Variants in DGKI observed in about 807,000 individuals in gnomAD.
DGKI encodes diacylglycerol kinase iota, also known as DAG kinase iota.
In DGKI, 55 loss-of-function variants were observed where a neutral mutation model predicts 147.5. The ratio of observed to expected loss-of-function variants is 0.37; its 90% confidence interval spans 0.30 to 0.47. The LOEUF is 0.47. DGKI is among the 20% of genes least tolerant of loss of function. DGKI has a pLI of 1.00. For missense variants in DGKI, 1,007 were observed against 1,323.8 expected (o/e 0.76, Z 3.71); for synonymous variants, 469 against 477.1 (o/e 0.98, Z 0.22).
chr7:137,732,190 A>G (rs530782286), intron 1 of DGKI, among the ~76,000 whole-genome samples: 51 of 152,182 alleles, frequency 3.4e-4, no homozygotes, highest in African/African-American at 1.2e-3. Context: ...TTTACAATAT[A>G]TATAGTAAAT....
chr7:137,474,645 T>C (rs943889235), intron 23 of DGKI, among the ~76,000 whole-genome samples: 4 of 152,160 alleles, frequency 2.6e-5, no homozygotes, highest in African/African-American at 9.7e-5. Flanking sequence ...ATCATCATTA[T>C]CACAGACAAG....
intron 8 of DGKI, among the ~76,000 whole-genome samples, chr7:137,618,252 A>G: frequency 6.9e-6 from 1 of 145,480 alleles, no homozygotes; most frequent in African/African-American, 2.5e-5. Context: ...ATTCCTCCAC[A>G]GTCAGGCCTG....
At chr7:137,814,209 C>T (rs1308862325) in intron 1 of DGKI, among the ~76,000 whole-genome samples, 2 of 152,098 alleles carry the variant, frequency 1.3e-5, no homozygotes, top group Non-Finnish European at 2.9e-5. Flanking sequence ...GGAGCCTTCA[C>T]GAAGCCTTTT....
At chr7:137,761,369 T>C (rs773887762) in intron 1 of DGKI, among the ~76,000 whole-genome samples, 17 of 152,242 alleles carry the variant, frequency 1.1e-4, no homozygotes, top group Admixed American at 5.9e-4. Flanking sequence ...TATTTACCCT[T>C]TCTGCTGCCT....
intron 28 of DGKI, among the ~76,000 whole-genome samples, chr7:137,426,462 C>T (rs1357714811): frequency 2.6e-5 from 4 of 152,272 alleles, no homozygotes; most frequent in Non-Finnish European, 5.9e-5. Flanking sequence ...ATTGTAAAGA[C>T]CATCGAGGCT....
chr7:137,633,253 G>A lies in DGKI; in HGVS notation c.805-9699C>T, dbSNP rs113590494. Among the ~76,000 whole-genome samples the A allele has an allele frequency of 4.4e-3, 663 of 151,648 alleles. 2 individuals carry two copies. The highest frequency in any genetic ancestry group is 5.7e-3 in the Non-Finnish European group (389 of 67,916). ...AAAAAAGCAGGAGTCCTAGACCAGG[G>A]CTGGTTTTCAGAGAGTCTACTGGTT... On this transcript the variant is annotated intron_variant, in intron 6 of 32. Coordinates refer to ENST00000614521, the MANE Select transcript of DGKI (RefSeq NM_001321708.2).
At chr7:137,772,250 G>T (rs886303111) in intron 1 of DGKI, 2 of 152,166 alleles carry the variant, frequency 1.3e-5, no homozygotes, top group African/African-American at 2.4e-5. Flanking sequence ...ATAAAATGGA[G>T]AGGAAGATAC....
intron 1 of DGKI, among the ~76,000 whole-genome samples, chr7:137,843,922 C>T (rs758203235): frequency 3.3e-5 from 5 of 152,146 alleles, no homozygotes; most frequent in African/African-American, 4.8e-5. Context: ...ATCCCCCTCA[C>T]GCAAGCAGCC....
chr7:137,486,190 T>C (rs2128935895), intron 22 of DGKI, among the ~76,000 whole-genome samples: 1 of 152,286 alleles, frequency 6.6e-6, no homozygotes, highest in East Asian at 1.9e-4. Context: ...TCTTTATTTG[T>C]TGAGTTGCCT....
intron 6 of DGKI, among the ~76,000 whole-genome samples, chr7:137,636,129 C>T (rs1585311664): frequency 6.6e-6 from 1 of 152,252 alleles, no homozygotes. Flanking sequence ...AGGAAATCCG[C>T]TGGGACAGGC....
At chr7:137,732,518 C>T (rs1379273889) in intron 1 of DGKI, among the ~76,000 whole-genome samples, 1 of 152,046 alleles carries the variant, frequency 6.6e-6, no homozygotes, top group African/African-American at 2.4e-5. Context: ...CCATCGACCC[C>T]TTTCCACAGT....
chr7:137,412,904 T>C (rs1336500527), intron 28 of DGKI, among the ~76,000 whole-genome samples: 1 of 152,176 alleles, frequency 6.6e-6, no homozygotes, highest in Non-Finnish European at 1.5e-5. Flanking sequence ...AAACTACTTT[T>C]AGGAATACGT....
chr7:137,664,937 A>G (rs1412151882), intron 3 of DGKI, among the ~76,000 whole-genome samples: 2 of 152,232 alleles, frequency 1.3e-5, no homozygotes, highest in African/African-American at 4.8e-5. Context: ...GTTTCACTGA[A>G]TATTTTGACA....
At chr7:137,560,632 T>C (rs903166031) in intron 19 of DGKI, among the ~76,000 whole-genome samples, 1 of 152,184 alleles carries the variant, frequency 6.6e-6, no homozygotes, top group Admixed American at 6.5e-5. Flanking sequence ...AGGAAGATTA[T>C]TCTGGATTGT....
chr7:137,504,747 T>TA lies in DGKI; in HGVS notation c.2249-17059dup, dbSNP rs200557042. 2.8e-3 allele frequency among the ~76,000 whole-genome samples: 428 copies of TA among 151,926 alleles called. 3 individuals are homozygous for TA. The highest frequency in any genetic ancestry group is 4.8e-3 in the Non-Finnish European group (325 of 67,944). On this transcript the variant is annotated intron_variant, in intron 21 of 32. Coordinates refer to ENST00000614521, the MANE Select transcript of DGKI (RefSeq NM_001321708.2). ...TAGTATTAAGAAACCAATAGCCTTTTAAAAAAAACCCATTCCCTAGAAAAT... is the reference window on the plus strand; with the variant it reads ...TAGTATTAAGAAACCAATAGCCTTTTAAAAAAAAACCCATTCCCTAGAAAAT...
intron 20 of DGKI, among the ~76,000 whole-genome samples, chr7:137,538,176 T>C (rs1817580045): frequency 6.6e-6 from 1 of 152,230 alleles, no homozygotes; most frequent in South Asian, 2.1e-4. Context: ...AATTTATGTT[T>C]TCTTCAATTG....
At chr7:137,565,601 G>A (rs917731881) in intron 19 of DGKI, among the ~76,000 whole-genome samples, 31 of 152,228 alleles carry the variant, frequency 2.0e-4, no homozygotes, top group Admixed American at 7.8e-4. Flanking sequence ...CTTCTTTAAA[G>A]TTTACGAGAC....
chr7:137,415,169 A>T (rs1232929616), intron 28 of DGKI, among the ~76,000 whole-genome samples: 1 of 152,158 alleles, frequency 6.6e-6, no homozygotes, highest in Non-Finnish European at 1.5e-5. Flanking sequence ...GCGTTGAAGG[A>T]CAAGGAAGGA....
At chr7:137,749,879 G>A (rs144085026) in intron 1 of DGKI, among the ~76,000 whole-genome samples, 106 of 152,242 alleles carry the variant, frequency 7.0e-4, no homozygotes, top group Non-Finnish European at 1.0e-3. Context: ...CATAGCCAGG[G>A]GTGGAACTCT....
Sources: gnomAD v4.1 joint callset for allele counts (sites outside exome capture counted in the v4.1 genomes callset) on GRCh38, gnomAD v4.1.1 for gene constraint, MANE v1.5 for transcripts, NCBI Gene and HGNC (gene_info 2026-07-23, HGNC 2026-07-21) for gene names.